Variants in BCAS3 observed in about 807,000 individuals in gnomAD.
BCAS3 encodes BCAS3 microtubule associated cell migration factor.
Under a neutral mutation model 116.1 loss-of-function variants are expected in BCAS3, and 53 were observed. The ratio of observed to expected loss-of-function variants is 0.46; its 90% confidence interval spans 0.37 to 0.57. BCAS3 has a LOEUF of 0.57. Among genes scored for constraint, BCAS3 ranks in the 20% least tolerant of loss-of-function variants. BCAS3 has a pLI of 0.00. For missense variants in BCAS3, 917 were observed against 1,165.4 expected, an observed-to-expected ratio of 0.79 and a Z score of 3.10; for synonymous variants, 391 against 408.2, an observed-to-expected ratio of 0.96 and a Z score of 0.51.
intron 5 of BCAS3, among the ~76,000 whole-genome samples, chr17:60,725,833 G>A (rs1170501807): frequency 6.6e-6 from 1 of 151,214 alleles, no homozygotes; most frequent in African/African-American, 2.5e-5. Context: ...GCCTGGGGGA[G>A]GGTTTTTTTT....
rs2066699485 is a variant in BCAS3, at chr17:61,032,246, G to T, written c.1638-2420G>T. On this transcript the variant is annotated intron_variant, in intron 16 of 23. Transcript: ENST00000407086. The surrounding 1 kb of genome is among the most constrained non-coding windows in gnomAD (Gnocchi z 4.6). ...CACATGATTTAAAAACAACAACAAT[G>T]ACATCCAGTAATTTGCAAAGAGCTT... Among the ~76,000 whole-genome samples, 1 of 152,206 alleles carries T rather than the reference G, an allele frequency of 6.6e-6. No homozygotes were observed. The highest frequency in any genetic ancestry group is 2.4e-5 in the African/African-American group (1 of 41,538).
intron 4 of BCAS3, among the ~76,000 whole-genome samples, chr17:60,698,441 C>T (rs1568040270): frequency 1.3e-5 from 2 of 151,838 alleles, no homozygotes; most frequent in African/African-American, 4.8e-5. Flanking sequence ...CCCAGGAGTT[C>T]GAGACCAGTC....
In BCAS3 at chr17:61,264,343, G is replaced by A. The variant is rs184492007; in HGVS notation, c.2426-103984G>A. Among the ~76,000 whole-genome samples, 12 of 150,896 alleles carry A rather than the reference G, an allele frequency of 8.0e-5. No homozygotes were observed. The East Asian group carries it at 2.1e-3, about 27-fold the overall frequency. On this transcript the variant is annotated intron_variant, in intron 22 of 23. Coordinates refer to ENST00000407086, the MANE Select transcript of BCAS3 (RefSeq NM_017679.5). The stretch of plus-strand genomic sequence containing the variant: ...CAAAAAAGCAGCTGAAAAAAATCAT[G>A]ATATATTCATTGTATAGCAGTAAGA...
At chr17:61,096,638 A>G (rs1250717585) in intron 22 of BCAS3, among the ~76,000 whole-genome samples, 1 of 152,208 alleles carries the variant, frequency 6.6e-6, no homozygotes, top group Admixed American at 6.5e-5. Flanking sequence ...TGGATTTTCT[A>G]CTATGTAATC....
At chr17:60,733,944 T>G (rs1216042716) in intron 5 of BCAS3, among the ~76,000 whole-genome samples, 1 of 152,218 alleles carries the variant, frequency 6.6e-6, no homozygotes, top group Non-Finnish European at 1.5e-5. Flanking sequence ...GCAAATGTTT[T>G]CTCAGTTTAT....
chr17:60,881,038 G>C (rs900059084), intron 9 of BCAS3, among the ~76,000 whole-genome samples: 2 of 151,978 alleles, frequency 1.3e-5, no homozygotes, highest in Non-Finnish European at 2.9e-5. Flanking sequence ...GCAGTGGTGC[G>C]ATCTCAGCTC....
intron 7 of BCAS3, among the ~76,000 whole-genome samples, chr17:60,840,785 C>CATTTG (rs2051830781): frequency 6.6e-6 from 1 of 152,186 alleles, no homozygotes; most frequent in Non-Finnish European, 1.5e-5. Flanking sequence ...TGGTTATGTA[C>CATTTG]ATTTGGTCAA....
rs1476980268 is a variant in BCAS3, at chr17:61,376,102, C to G, written c.2593+7608C>G. 1.3e-5 allele frequency among the ~76,000 whole-genome samples: 2 copies of G among 152,218 alleles called. No individual in the cohort carries two copies. The highest frequency in any genetic ancestry group is 1.5e-5 in the Non-Finnish European group (1 of 68,016). On this transcript the variant is annotated intron_variant, in intron 23 of 23. Coordinates refer to ENST00000407086, the MANE Select transcript of BCAS3 (RefSeq NM_017679.5). The surrounding 1 kb of genome is among the most constrained non-coding windows in gnomAD (Gnocchi z 4.5). ...GGGTAGATAGATGCATCCTACTGGC[C>G]CAACTCATTGCAAGGCCATGGAAAT...
chr17:60,992,575 A>G (rs997793802), intron 15 of BCAS3, among the ~76,000 whole-genome samples: 2 of 152,194 alleles, frequency 1.3e-5, no homozygotes, highest in Non-Finnish European at 1.5e-5. Flanking sequence ...CCTGTTGGGT[A>G]CTACGCTCAC....
In BCAS3 at chr17:61,282,904, C is replaced by G. The variant is rs1247315466; in HGVS notation, c.2426-85423C>G. 6.7e-6 allele frequency among the ~76,000 whole-genome samples: 1 copy of G among 149,858 alleles called. No individual in the cohort carries two copies. The highest frequency in any genetic ancestry group is 6.6e-5 in the Admixed American group (1 of 15,116). On this transcript the variant is annotated intron_variant, in intron 22 of 23. Coordinates refer to ENST00000407086, the MANE Select transcript of BCAS3 (RefSeq NM_017679.5). The surrounding 1 kb of genome is among the most constrained non-coding windows in gnomAD (Gnocchi z 5.9). ...GAGTTTTAGTGAAGGGGAGAAATCA[C>G]AGTAAAAATATATATTTTCAATATA...
intron 2 of BCAS3, 131 bp from the exon 3 acceptor site, chr17:60,683,847 AAAAC>A (rs755340584): frequency 3.8e-5 from 30 of 782,974 alleles, no homozygotes; most frequent in South Asian, 5.6e-5. Flanking sequence ...AAAACAAAAC[AAAAC>A]AAACAAAAAA....
At chr17:60,912,947 G>A (rs916049768) in intron 12 of BCAS3, among the ~76,000 whole-genome samples, 2 of 151,990 alleles carry the variant, frequency 1.3e-5, no homozygotes, top group African/African-American at 4.8e-5. Context: ...AAATAGAAGT[G>A]TAATTCACGT....
intron 12 of BCAS3, among the ~76,000 whole-genome samples, chr17:60,922,926 G>A (rs1218680415): frequency 6.6e-6 from 1 of 152,126 alleles, no homozygotes; most frequent in Non-Finnish European, 1.5e-5. Context: ...AATTTATGGA[G>A]TATAACTATA....
chr17:61,192,466 A>T (rs1052429940), intron 22 of BCAS3, among the ~76,000 whole-genome samples: 1 of 152,114 alleles, frequency 6.6e-6, no homozygotes, highest in Non-Finnish European at 1.5e-5. Flanking sequence ...AAGACCATTG[A>T]TTTTTAAAAG....
At chr17:60,875,843 T>A (rs1256024102) in intron 9 of BCAS3, among the ~76,000 whole-genome samples, 2 of 152,016 alleles carry the variant, frequency 1.3e-5, no homozygotes, top group Non-Finnish European at 1.5e-5. Context: ...AATATATACA[T>A]ATATATAATT....
chr17:60,854,834 A>G (rs890422888), intron 7 of BCAS3, among the ~76,000 whole-genome samples: 3 of 152,140 alleles, frequency 2.0e-5, no homozygotes, highest in Non-Finnish European at 4.4e-5. Context: ...AGCTTTATTT[A>G]TAATTGCCAA....
At chr17:60,811,182 G>A in intron 7 of BCAS3, 1 of 663,434 alleles carries the variant, frequency 1.5e-6, no homozygotes. Flanking sequence ...GGCAGATCCT[G>A]TAGACTGGAT....
In BCAS3 at chr17:61,355,006, G is replaced by A. The variant is rs1353283122; in HGVS notation, c.2426-13321G>A. On this transcript the variant is annotated intron_variant, in intron 22 of 23. Coordinates refer to ENST00000407086, the MANE Select transcript of BCAS3 (RefSeq NM_017679.5). The surrounding 1 kb of genome is among the most constrained non-coding windows in gnomAD (Gnocchi z 4.2). ...CCCCTGGCTCCAGATCAGAGCCAGTGTGCCCACCCATCCCTCCCTGCTCTT... is the reference window on the plus strand; with the variant it reads ...CCCCTGGCTCCAGATCAGAGCCAGTATGCCCACCCATCCCTCCCTGCTCTT... 1 of 152,166 alleles carries A rather than the reference G, an allele frequency of 6.6e-6. No individual in the cohort carries two copies. Among genetic ancestry groups the A allele is most frequent in the Non-Finnish European group, 1.5e-5 (1 of 68,054 alleles). The allele number at this position is 152,166 out of a possible 1,614,324, so 9.4% of individuals were successfully genotyped here.
At chr17:60,760,879 C>T (rs1363433601) in intron 6 of BCAS3, among the ~76,000 whole-genome samples, 1 of 152,054 alleles carries the variant, frequency 6.6e-6, no homozygotes, top group Non-Finnish European at 1.5e-5. Context: ...GTCCCAAATG[C>T]CACAAAGGCT....
Sources: gnomAD v4.1 joint callset for allele counts (sites outside exome capture counted in the v4.1 genomes callset) on GRCh38, gnomAD v4.1.1 for gene constraint, Gnocchi (gnomAD v3.1) non-coding constraint, MANE v1.5 for transcripts, NCBI Gene and HGNC (gene_info 2026-07-23, HGNC 2026-07-21) for gene names.